The following SOBP variants were observed in gnomAD, a reference collection of about 807,000 sequenced individuals.
SOBP encodes the protein sine oculis-binding protein homolog.
A neutral mutation model predicts 53.6 loss-of-function variants in SOBP; 4 were observed. The ratio of observed to expected loss-of-function variants is 0.07; its 90% CI spans 0.04 to 0.17. SOBP has a LOEUF of 0.17. SOBP is among the 10% of genes least tolerant of loss of function. The probability of loss-of-function intolerance (pLI) is 1.00; values close to 1 mark genes in which losing one functional copy is unlikely to be tolerated. For synonymous variants in SOBP, 584 were observed against 522.6 expected (o/e 1.12, Z -1.60); for missense variants, 1,088 against 1,204.7 (o/e 0.90, Z 1.43).
At chr6:107,604,716 G>A (rs2115090279) in intron 5 of SOBP, among the ~76,000 whole-genome samples, 1 of 152,234 alleles carries the variant, frequency 6.6e-6, no homozygotes, top group Non-Finnish European at 1.5e-5. Flanking sequence ...CAGTGACGTG[G>A]CATAATAACA....
At chr6:107,645,834 G>A (rs965397308) in intron 6 of SOBP, among the ~76,000 whole-genome samples, 1 of 152,172 alleles carries the variant, frequency 6.6e-6, no homozygotes. Context: ...GGAGAAATGA[G>A]GGGTGAAGTA....
intron 4 of SOBP, among the ~76,000 whole-genome samples, chr6:107,555,658 A>G (rs920107245): frequency 6.6e-6 from 1 of 152,254 alleles, no homozygotes; most frequent in Non-Finnish European, 1.5e-5. Context: ...ATTGCCCATC[A>G]GCACTTAGGA....
intron 5 of SOBP, among the ~76,000 whole-genome samples, chr6:107,598,360 T>A (rs1786025182): frequency 6.6e-6 from 1 of 152,076 alleles, no homozygotes; most frequent in Non-Finnish European, 1.5e-5. Context: ...CAGGAATAGG[T>A]CCTTGGAAGA....
intron 3 of SOBP, among the ~76,000 whole-genome samples, chr6:107,531,761 T>C (rs1783830312): frequency 6.6e-6 from 1 of 152,334 alleles, no homozygotes; most frequent in African/African-American, 2.4e-5. Context: ...AATGTTGGAC[T>C]GACATCAAAG....
chr6:107,502,063 A>T (rs1033105778), intron 1 of SOBP, among the ~76,000 whole-genome samples: 1 of 152,138 alleles, frequency 6.6e-6, no homozygotes, highest in Non-Finnish European at 1.5e-5. Context: ...CTAAAGCAAA[A>T]AATCTAGCAT....
chr6:107,491,458 C>A (rs1377403864), intron 1 of SOBP, among the ~76,000 whole-genome samples: 1 of 152,268 alleles, frequency 6.6e-6, no homozygotes, highest in Non-Finnish European at 1.5e-5. Context: ...CTCGGCGAGG[C>A]TGGGCTCCCC....
At position 107,634,317 on chromosome 6, in the gene SOBP, G is replaced by T. The variant is rs760923965; in HGVS notation, c.1473G>T (p.Pro491=). ...PGAPLPSLPF[P]PVSMMPNGPM... Reference sequence around the variant, plus strand: ...CCCCGCTGCCGAGTCTTCCCTTCCCGCCAGTGAGCATGATGCCAAATGGCC... The same window carrying T: ...CCCCGCTGCCGAGTCTTCCCTTCCCTCCAGTGAGCATGATGCCAAATGGCC... Residue 491 remains proline, a synonymous_variant, in exon 6 of 7, where the codon CCG becomes CCT. Coordinates refer to ENST00000317357, the MANE Select transcript of SOBP (RefSeq NM_018013.4). The surrounding 1 kb of genome is among the most constrained non-coding windows in gnomAD (Gnocchi z 4.5). The T allele has an allele frequency of 1.9e-6, 3 of 1,575,646 alleles. No individual in the cohort carries two copies. Among genetic ancestry groups the T allele is most frequent in the Non-Finnish European group, 1.7e-6 (2 of 1,169,270 alleles).
At chr6:107,617,860 C>G (rs1018093984) in intron 5 of SOBP, among the ~76,000 whole-genome samples, 2 of 127,496 alleles carry the variant, frequency 1.6e-5, no homozygotes, top group African/African-American at 3.0e-5. Context: ...GACGGAGTCT[C>G]TCTGTCGCAC....
intron 5 of SOBP, among the ~76,000 whole-genome samples, chr6:107,614,841 T>G (rs1466725768): frequency 6.6e-6 from 1 of 152,232 alleles, no homozygotes; most frequent in African/African-American, 2.4e-5. Context: ...GTGTTAGCTG[T>G]TTTAAAATAT....
intron 6 of SOBP, among the ~76,000 whole-genome samples, chr6:107,656,465 C>A (rs543160952): frequency 6.6e-6 from 1 of 152,276 alleles, no homozygotes; most frequent in African/African-American, 2.4e-5. Flanking sequence ...TGTAATTCCA[C>A]CCCCATTACA....
intron 6 of SOBP, among the ~76,000 whole-genome samples, chr6:107,657,865 G>T (rs1393466318): frequency 6.6e-6 from 1 of 151,916 alleles, no homozygotes; most frequent in Non-Finnish European, 1.5e-5. Flanking sequence ...GCCTCCTGCT[G>T]GTTAAGCATG....
At chr6:107,548,724 G>A (rs953800419) in intron 4 of SOBP, among the ~76,000 whole-genome samples, 1 of 151,480 alleles carries the variant, frequency 6.6e-6, no homozygotes, top group African/African-American at 2.4e-5. Flanking sequence ...ATCACTTGAG[G>A]CCAGGAGTTC....
intron 4 of SOBP, among the ~76,000 whole-genome samples, chr6:107,570,955 C>T (rs1014548495): frequency 2.0e-5 from 3 of 152,234 alleles, no homozygotes; most frequent in African/African-American, 7.2e-5. Flanking sequence ...AAGGGATTTG[C>T]TGTCCTTGAC....
chr6:107,659,532 T>TA lies in SOBP; in HGVS notation c.*1343dup, dbSNP rs5878928. 0.68 allele frequency: 98,568 copies of TA among 145,558 alleles called. 35,539 individuals are homozygous for TA. Among genetic ancestry groups the TA allele is most frequent in the Non-Finnish European group, 0.83 (55,524 of 66,548 alleles). The allele number at this position is 145,558 out of a possible 1,614,324, so 9.0% of individuals were successfully genotyped here. On this transcript the variant is annotated 3_prime_UTR_variant, in exon 7 of 7. Coordinates refer to ENST00000317357, the MANE Select transcript of SOBP (RefSeq NM_018013.4). The stretch of plus-strand genomic sequence containing the variant: ...AAAAAAATCAAAAAAGGAAGAAAAC[T>TA]AAAAAAAAAAAAAATCAAATCACCT...
intron 1 of SOBP, among the ~76,000 whole-genome samples, chr6:107,493,888 G>A (rs1454096585): frequency 6.6e-6 from 1 of 152,216 alleles, no homozygotes; most frequent in South Asian, 2.1e-4. Context: ...CACTAGATCA[G>A]ATATTGAGTT....
chr6:107,508,769 C>T (rs1185059441), intron 3 of SOBP, among the ~76,000 whole-genome samples: 1 of 152,042 alleles, frequency 6.6e-6, no homozygotes, highest in Non-Finnish European at 1.5e-5. Flanking sequence ...GAGGGGTCCA[C>T]ATTTATTTCC....
intron 2 of SOBP, 127 bp from the exon 3 acceptor site, chr6:107,506,115 T>A: frequency 1.2e-6 from 1 of 808,668 alleles, no homozygotes; most frequent in Non-Finnish European, 2.0e-6. Context: ...TCTAGTACAT[T>A]GTTTAAAGAT....
At chr6:107,533,381 T>C in intron 3 of SOBP, 78 bp from the exon 4 acceptor site, 1 of 1,513,248 alleles carries the variant, frequency 6.6e-7, no homozygotes. Flanking sequence ...CAGGTAGCTC[T>C]GTCAGGTTCA....
chr6:107,605,141 T>C, intron 5 of SOBP, among the ~76,000 whole-genome samples: 1 of 152,180 alleles, frequency 6.6e-6, no homozygotes, highest in East Asian at 1.9e-4. Flanking sequence ...CAGACAGTCT[T>C]TGTGCTTCCT....
Sources: allele counts gnomAD v4.1 joint callset (sites outside exome capture counted in the v4.1 genomes callset), GRCh38; gene constraint gnomAD v4.1.1; non-coding constraint Gnocchi (gnomAD v3.1); transcripts MANE v1.5; gene names NCBI Gene and HGNC (gene_info 2026-07-23, HGNC 2026-07-21).